The following NMNAT3 variants were observed in gnomAD, a reference collection of about 807,000 sequenced individuals.
NMNAT3 encodes the protein nicotinamide nucleotide adenylyltransferase 3.
In NMNAT3, 21 loss-of-function variants were observed where a neutral mutation model predicts 24.8. That is an observed-to-expected ratio of 0.85 (90% CI 0.60 to 1.22). The LOEUF (loss-of-function observed/expected upper bound fraction) is 1.22. Among genes scored for constraint, NMNAT3 ranks in the 50% most tolerant of loss-of-function variants. The probability of loss-of-function intolerance (pLI) is 0.00; values close to 1 mark genes in which losing one functional copy is unlikely to be tolerated. For missense variants in NMNAT3, 387 were observed against 436.6 expected (o/e 0.89, Z 1.01); for synonymous variants, 136 against 155.2 (o/e 0.88, Z 0.92).
intron 3 of NMNAT3, among the ~76,000 whole-genome samples, chr3:139,592,579 G>C (rs1324679393): frequency 6.6e-6 from 1 of 152,142 alleles, no homozygotes; most frequent in Non-Finnish European, 1.5e-5. Context: ...GAAAGGTTGG[G>C]TTACCCTCAA....
chr3:139,622,848 T>TTATATATA (rs61508216), intron 3 of NMNAT3, among the ~76,000 whole-genome samples: 17 of 136,366 alleles, frequency 1.2e-4, no homozygotes, highest in East Asian at 8.2e-4. Context: ...ATTATATATA[T>TTATATATA]TATATATATA....
chr3:139,567,911 G>T (rs1464061776), intron 6 of NMNAT3: 1 of 152,222 alleles, frequency 6.6e-6, no homozygotes, highest in Non-Finnish European at 1.5e-5. Context: ...GTTTCAGAAG[G>T]AATGGTACCA....
chr3:139,638,569 C>T (rs1454525677), intron 1 of NMNAT3, among the ~76,000 whole-genome samples: 2 of 152,238 alleles, frequency 1.3e-5, no homozygotes. Context: ...CCATGTGGCT[C>T]ATCTCCGTCC....
intron 1 of NMNAT3, among the ~76,000 whole-genome samples, chr3:139,654,201 GATAAAA>G (rs553720714): frequency 2.0e-5 from 3 of 152,336 alleles, no homozygotes; most frequent in Admixed American, 6.5e-5. Context: ...TTAATCTGCA[GATAAAA>G]ATAAAGTCAA....
intron 3 of NMNAT3, among the ~76,000 whole-genome samples, chr3:139,611,561 T>G (rs191090426): frequency 1.4e-3 from 218 of 152,292 alleles, no homozygotes; most frequent in African/African-American, 4.8e-3. Flanking sequence ...GAGGGGAGCA[T>G]GCGCCCTCTG....
intron 5 of NMNAT3, among the ~76,000 whole-genome samples, chr3:139,578,630 T>C (rs1939676328): frequency 6.6e-6 from 1 of 152,166 alleles, no homozygotes. Flanking sequence ...TGAAATAAGG[T>C]TGGGTGTTTC....
intron 1 of NMNAT3, among the ~76,000 whole-genome samples, chr3:139,663,360 T>C (rs945274796): frequency 6.6e-5 from 10 of 152,308 alleles, no homozygotes; most frequent in Middle Eastern, 6.8e-3. Flanking sequence ...GCAACTTTAA[T>C]TTCATCTGCA....
chr3:139,603,729 A>G (rs1048585509), intron 3 of NMNAT3, among the ~76,000 whole-genome samples: 1 of 151,578 alleles, frequency 6.6e-6, no homozygotes, highest in African/African-American at 2.4e-5. Flanking sequence ...TTACCACCAC[A>G]CTCCAACTAA....
chr3:139,597,432 A>G (rs1238434794), intron 3 of NMNAT3, among the ~76,000 whole-genome samples: 3 of 152,176 alleles, frequency 2.0e-5, no homozygotes, highest in African/African-American at 2.4e-5. Flanking sequence ...TCTTTATGGT[A>G]TATTGTCCTT....
At chr3:139,576,403 G>T in intron 5 of NMNAT3, 1 of 359,486 alleles carries the variant, frequency 2.8e-6, no homozygotes, top group Non-Finnish European at 3.9e-6. Context: ...AATTTTGGTT[G>T]CACAAAATAC....
chr3:139,626,766 T>C (rs140549937), intron 3 of NMNAT3, among the ~76,000 whole-genome samples: 92 of 152,282 alleles, frequency 6.0e-4, no homozygotes, highest in African/African-American at 2.2e-3. Context: ...AATGAACTAA[T>C]ACTTGTGCAT....
intron 1 of NMNAT3, among the ~76,000 whole-genome samples, chr3:139,662,970 T>G (rs1388921101): frequency 6.6e-6 from 1 of 152,236 alleles, no homozygotes; most frequent in Non-Finnish European, 1.5e-5. Flanking sequence ...TATTCCCCTT[T>G]ACAGGTGTAT....
Position 139,638,010 on chromosome 3 carries a change from G to A in NMNAT3, c.-88C>T, listed in dbSNP as rs1332221595. On this transcript the variant is annotated 5_prime_UTR_variant, in exon 2 of 7. Transcript: ENST00000643695. ...AAGAGTGAAAAGCAGATCAGAGTGG[G>A]AGCCAGGGAGCAGCAGTCCGCTTCA... 5.3e-5 allele frequency: 8 copies of A among 152,190 alleles called. No homozygotes were observed. The highest frequency in any genetic ancestry group is 7.3e-5 in the Non-Finnish European group (5 of 68,074). 9.4% of individuals were successfully genotyped at this position (152,190 alleles called of 1,614,324 possible). A position where few individuals can be genotyped will look rare whatever the true frequency, so the allele number is the denominator to read the frequency against.
intron 1 of NMNAT3, among the ~76,000 whole-genome samples, chr3:139,650,127 C>T (rs983266619): frequency 2.6e-5 from 4 of 152,300 alleles, no homozygotes; most frequent in African/African-American, 4.8e-5. Flanking sequence ...ACTTCTTAAG[C>T]GATGGCTCTT....
chr3:139,620,868 A>G (rs1026439575), intron 3 of NMNAT3, among the ~76,000 whole-genome samples: 2 of 152,210 alleles, frequency 1.3e-5, no homozygotes, highest in Admixed American at 6.5e-5. Context: ...ATCATAGCTC[A>G]CTATGGTTTT....
In NMNAT3 at chr3:139,561,259, G is replaced by C. The variant is rs368910023; in HGVS notation, c.792C>G (p.His264Gln). 6.2e-7 allele frequency: 1 copy of C among 1,614,000 alleles called. No individual in the cohort carries two copies. The change falls in exon 7 of 7, where the codon CAC (histidine) becomes CAG (glutamine). Residue 264 changes from histidine to glutamine, a missense_variant. Physicochemically the swap from His to Gln is conservative, Grantham distance 24 (BLOSUM62 0). Transcript: ENST00000643695. ...ATTCTGCGATGTAACCTTTTGGGTC[G>C]TGACCTACTCGGCCCACGCACACCA...
intron 3 of NMNAT3, among the ~76,000 whole-genome samples, chr3:139,606,645 A>G (rs1268258946): frequency 6.6e-6 from 1 of 152,196 alleles, no homozygotes; most frequent in Non-Finnish European, 1.5e-5. Flanking sequence ...CTCTGTAACA[A>G]TTATTACTGT....
intron 3 of NMNAT3, among the ~76,000 whole-genome samples, chr3:139,595,940 C>T (rs1258713547): frequency 2.6e-5 from 4 of 152,192 alleles, no homozygotes; most frequent in East Asian, 1.9e-4. Context: ...GCAATGGCAA[C>T]AAAAGCCAAA....
intron 1 of NMNAT3, among the ~76,000 whole-genome samples, chr3:139,645,434 G>A (rs962030938): frequency 6.6e-6 from 1 of 152,168 alleles, no homozygotes; most frequent in Non-Finnish European, 1.5e-5. Context: ...AGGAAGATAG[G>A]CAGTTTAGGG....
Sources: gnomAD v4.1 joint callset for allele counts (sites outside exome capture counted in the v4.1 genomes callset) on GRCh38, gnomAD v4.1.1 for gene constraint, MANE v1.5 for transcripts, NCBI Gene and HGNC (gene_info 2026-07-23, HGNC 2026-07-21) for gene names.